The following BSN variants were observed in gnomAD, a reference collection of about 807,000 sequenced individuals.
BSN encodes the protein protein bassoon.
In BSN, 57 loss-of-function variants were observed where a neutral mutation model predicts 264.8. The observed-to-expected ratio is 0.22, with a 90% CI of 0.17 to 0.27. The LOEUF is 0.27. Ranked by LOEUF, BSN falls within the 10% of genes least tolerant of loss-of-function variation. BSN has a pLI of 1.00. For synonymous variants in BSN, 2,059 were observed against 2,137.3 expected, an observed-to-expected ratio of 0.96 and a Z score of 1.01; for missense variants, 4,615 against 5,232.5, an observed-to-expected ratio of 0.88 and a Z score of 3.64.
chr3:49,598,861 A>T (rs182347220), intron 1 of BSN, among the ~76,000 whole-genome samples: 1 of 152,350 alleles, frequency 6.6e-6, no homozygotes, highest in Non-Finnish European at 1.5e-5. Context: ...AATAAAAGGC[A>T]TATAGATTAG....
At chr3:49,600,999 G>T (rs957971238) in intron 1 of BSN, among the ~76,000 whole-genome samples, 1 of 152,162 alleles carries the variant, frequency 6.6e-6, no homozygotes, top group Admixed American at 6.5e-5. Context: ...TGAGACAGAA[G>T]AATGGCCCCC....
chr3:49,633,286 A>C (rs1200866646), intron 2 of BSN, among the ~76,000 whole-genome samples: 1 of 150,798 alleles, frequency 6.6e-6, no homozygotes, highest in Non-Finnish European at 1.5e-5. Context: ...TGGACAACTG[A>C]GCGAGACTCT....
intron 1 of BSN, among the ~76,000 whole-genome samples, chr3:49,574,520 G>A (rs1196894409): frequency 6.6e-6 from 1 of 150,860 alleles, no homozygotes; most frequent in Non-Finnish European, 1.5e-5. Flanking sequence ...TGCAACCTCT[G>A]CCTCCTGGGT....
At position 49,660,729 on chromosome 3, in the gene BSN, C is replaced by G. The variant is rs1264899401; in HGVS notation, c.8884C>G (p.Gln2962Glu). Reference protein sequence around the residue: ...EHESTKLRKKQAELDEEEKEI... With the variant: ...EHESTKLRKKEAELDEEEKEI... ...TGAGTCCACCAAACTGCGCAAGAAG[C>G]AGGCAGAGCTGGATGAGGAGGAGAA... The change falls in exon 6 of 12, where the codon CAG (glutamine) becomes GAG (glutamate). Residue 2962 changes from glutamine to glutamate, a missense_variant. This residue lies in a region of BSN where 3,415 missense variants were observed against 3,866.4 expected (regional missense o/e 0.88). Transcript: ENST00000296452. This position sits in a 1 kb window ranked among gnomAD's most constrained non-coding sequence, Gnocchi z 7.1. The G allele has an allele frequency of 8.1e-6, 13 of 1,613,166 alleles. No homozygotes were observed. The highest frequency in any genetic ancestry group is 1.0e-5 in the Non-Finnish European group (12 of 1,179,928).
chr3:49,640,229 C>T (rs1374603408), intron 2 of BSN, among the ~76,000 whole-genome samples: 19 of 152,322 alleles, frequency 1.2e-4, no homozygotes, highest in Non-Finnish European at 4.4e-5. Flanking sequence ...CACCAAATCT[C>T]GGGGCTTCCA....
At chr3:49,581,831 A>C (rs1054423484) in intron 1 of BSN, among the ~76,000 whole-genome samples, 16 of 152,086 alleles carry the variant, frequency 1.1e-4, no homozygotes, top group South Asian at 2.1e-4. Context: ...TCAAAAAAAA[A>C]CCCAAAAAAC....
At chr3:49,559,439 A>G (rs570856077) in intron 1 of BSN, among the ~76,000 whole-genome samples, 6 of 152,184 alleles carry the variant, frequency 3.9e-5, no homozygotes, top group Non-Finnish European at 8.8e-5. Flanking sequence ...TCAGTATTTC[A>G]GTTTGTATTT....
chr3:49,598,595 C>A (rs1260199912), intron 1 of BSN, among the ~76,000 whole-genome samples: 1 of 152,144 alleles, frequency 6.6e-6, no homozygotes, highest in Non-Finnish European at 1.5e-5. Context: ...CCATGCCTGG[C>A]CTTTTTGTAA....
chr3:49,574,132 AT>A (rs33920630), intron 1 of BSN, among the ~76,000 whole-genome samples: 30 of 127,974 alleles, frequency 2.3e-4, no homozygotes, highest in Non-Finnish European at 2.7e-4. Flanking sequence ...GTATTTTTGT[AT>A]TTTTTTTTTT....
Position 49,651,616 on chromosome 3 carries a change from C to T in BSN, c.2060C>T (p.Ser687Phe). 1.2e-6 allele frequency: 2 copies of T among 1,613,988 alleles called. No homozygotes were observed. Among genetic ancestry groups the T allele is most frequent in the East Asian group, 4.5e-5 (2 of 44,886 alleles). The change falls in exon 5 of 12, where the codon TCT becomes TTT. Residue 687 changes from serine (S) to phenylalanine (F), a missense_variant. Coordinates refer to ENST00000296452, the MANE Select transcript of BSN (RefSeq NM_003458.4). This position sits in a 1 kb window ranked among gnomAD's most constrained non-coding sequence, Gnocchi z 5.4. ...PQSLSDTGYS[S>F]DGISSSQSEI... is the part of the protein sequence containing the mutation. ...AGCCTCAGTGACACAGGCTATTCCT[C>T]TGACGGCATCTCTAGCTCCCAGAGT...
At position 49,660,937 on chromosome 3, in the gene BSN, A is replaced by G. The variant is rs1177144089; in HGVS notation, c.9092A>G (p.Gln3031Arg). Reference sequence around the variant, plus strand: ...CAGGGCTGCACCACTCCCGCTGGCCAGTTTGTGGACTTCCCTGCCACTGCC... The same window carrying G: ...CAGGGCTGCACCACTCCCGCTGGCCGGTTTGTGGACTTCCCTGCCACTGCC... ...RLQGCTTPAGQFVDFPATAAA... is the reference protein window; with the variant it reads ...RLQGCTTPAGRFVDFPATAAA... Residue 3031 changes from glutamine to arginine, a missense_variant, in exon 6 of 12, where the codon CAG (glutamine) becomes CGG (arginine). Gln to Arg is a conservative substitution (Grantham distance 43). Coordinates refer to ENST00000296452, the MANE Select transcript of BSN (RefSeq NM_003458.4). The surrounding 1 kb of genome is among the most constrained non-coding windows in gnomAD (Gnocchi z 7.1). 1 of 1,612,060 alleles carries G rather than the reference A, an allele frequency of 6.2e-7. No homozygotes were observed. The highest frequency in any genetic ancestry group is 2.2e-5 in the East Asian group (1 of 44,874).
At chr3:49,580,556 C>G (rs145631206) in intron 1 of BSN, among the ~76,000 whole-genome samples, 4 of 151,908 alleles carry the variant, frequency 2.6e-5, no homozygotes, top group African/African-American at 9.7e-5. Context: ...CTCAGCCTCC[C>G]GGGCTCAAGC....
intron 1 of BSN, among the ~76,000 whole-genome samples, chr3:49,594,492 G>T (rs889251056): frequency 6.6e-6 from 1 of 152,170 alleles, no homozygotes; most frequent in African/African-American, 2.4e-5. Context: ...TAGCTGTGTG[G>T]ATGTATTTCT....
intron 1 of BSN, among the ~76,000 whole-genome samples, chr3:49,619,310 A>G (rs2052285104): frequency 6.6e-6 from 1 of 152,240 alleles, no homozygotes; most frequent in Non-Finnish European, 1.5e-5. Context: ...TCCTAAGGAT[A>G]TAGTGGGGAG....
chr3:49,619,158 G>A (rs560969575), intron 1 of BSN, among the ~76,000 whole-genome samples: 13 of 152,304 alleles, frequency 8.5e-5, no homozygotes, highest in South Asian at 2.1e-4. Context: ...GTCTCCCAGC[G>A]TTGCTAGTTA....
intron 2 of BSN, among the ~76,000 whole-genome samples, chr3:49,635,398 G>T (rs1365484245): frequency 1.3e-5 from 2 of 152,100 alleles, no homozygotes; most frequent in South Asian, 2.1e-4. Flanking sequence ...CAGTAGTGGG[G>T]AGTCAACTGC....
At chr3:49,559,349 A>G (rs981015324) in intron 1 of BSN, among the ~76,000 whole-genome samples, 1 of 152,114 alleles carries the variant, frequency 6.6e-6, no homozygotes, top group Non-Finnish European at 1.5e-5. Flanking sequence ...TCATCAACTT[A>G]TGGCCAATTG....
At position 49,620,145 on chromosome 3, in the gene BSN, G is replaced by A. The variant is rs112517319; in HGVS notation, c.225-4830G>A. On this transcript the variant is annotated intron_variant, in intron 1 of 11. Coordinates refer to ENST00000296452, the MANE Select transcript of BSN (RefSeq NM_003458.4). ...GTGTCCCTGAAAGGATGCCACCAGA[G>A]CAAAAACTTGAGAGGGAGCAAGTGT... is the stretch of plus-strand genomic sequence containing the variant. Among the ~76,000 whole-genome samples the A allele has an allele frequency of 1.4e-3, 214 of 152,288 alleles. 1 individual carries two copies. The highest frequency in any genetic ancestry group is 4.7e-3 in the African/African-American group (194 of 41,562).
At chr3:49,578,311 T>C (rs2051862583) in intron 1 of BSN, among the ~76,000 whole-genome samples, 1 of 152,150 alleles carries the variant, frequency 6.6e-6, no homozygotes, top group Non-Finnish European at 1.5e-5. Flanking sequence ...TTTAAAAATA[T>C]CTTTCTGAGA....
Sources: gnomAD v4.1 joint callset for allele counts (sites outside exome capture counted in the v4.1 genomes callset) on GRCh38, gnomAD v4.1.1 for gene constraint, gnomAD v4.1.1 regional missense constraint, Gnocchi (gnomAD v3.1) non-coding constraint, MANE v1.5 for transcripts, NCBI Gene and HGNC (gene_info 2026-07-23, HGNC 2026-07-21) for gene names.